ZNF423: variants seen among roughly 807,000 people sequenced by gnomAD.
The protein encoded by ZNF423 is Ebf-associated zinc finger protein.
In ZNF423, 12 loss-of-function variants were observed where a neutral mutation model predicts 95.8. The observed-to-expected ratio is 0.13, with a 90% confidence interval of 0.08 to 0.20. The LOEUF (loss-of-function observed/expected upper bound fraction) is 0.20. ZNF423 is among the 10% of genes least tolerant of loss of function. The probability of loss-of-function intolerance (pLI) is 1.00; values close to 1 mark genes in which losing one functional copy is unlikely to be tolerated. For missense variants in ZNF423, 1,316 were observed against 1,737.1 expected (o/e 0.76, Z 4.31); for synonymous variants, 749 against 711.9 (o/e 1.05, Z -0.83).
rs534490611 is a variant in ZNF423, at chr16:49,528,823, A to G, written c.3602-3329T>C. On this transcript the variant is annotated intron_variant, in intron 5 of 7. Transcript: ENST00000563137. ...GGCTGCCCTAGTTAGTGTGACAAAC[A>G]CTCCTTTGCGTGCTGGTGACCCAAT... is the stretch of plus-strand genomic sequence containing the variant. 2.0e-4 allele frequency among the ~76,000 whole-genome samples: 30 copies of G among 151,328 alleles called. No individual in the cohort carries two copies. In the South Asian group the frequency reaches 6.3e-3, roughly 32 times the overall value.
intron 5 of ZNF423, among the ~76,000 whole-genome samples, chr16:49,526,925 G>A (rs1293569618): frequency 2.0e-5 from 3 of 150,720 alleles, no homozygotes; most frequent in South Asian, 4.3e-4. Flanking sequence ...CAAGGACACG[G>A]GTTCCCCTTT....
At chr16:49,590,827 C>A (rs143618798) in intron 5 of ZNF423, among the ~76,000 whole-genome samples, 94 of 152,326 alleles carry the variant, frequency 6.2e-4, no homozygotes, top group Middle Eastern at 3.4e-3. Context: ...GGGCTCCAGC[C>A]GGCCCGGTGA....
chr16:49,742,931 G>A (rs9938225), intron 2 of ZNF423, among the ~76,000 whole-genome samples: 49,100 of 152,006 alleles, frequency 0.32, 8,017 homozygotes, highest in Non-Finnish European at 0.34. Context: ...TGAATGGAGA[G>A]CCCAGAGCCC....
chr16:49,777,024 A>T lies in ZNF423; in HGVS notation c.100+12463T>A, dbSNP rs1024381445. 7.3e-4 allele frequency among the ~76,000 whole-genome samples: 111 copies of T among 152,016 alleles called. 6 individuals carry two copies. The highest frequency in any genetic ancestry group is 6.5e-5 in the Admixed American group (1 of 15,276). ...CATTTGTAAGTGTGTGCACATGCGCACTATGGGTATGTTGGCAGTGTGAAC... is the reference window on the plus strand; with the variant it reads ...CATTTGTAAGTGTGTGCACATGCGCTCTATGGGTATGTTGGCAGTGTGAAC... On this transcript the variant is annotated intron_variant, in intron 2 of 7. Transcript: ENST00000563137.
intron 2 of ZNF423, among the ~76,000 whole-genome samples, chr16:49,761,491 G>A (rs989989449): frequency 1.3e-5 from 2 of 152,218 alleles, no homozygotes; most frequent in Non-Finnish European, 2.9e-5. Flanking sequence ...TAAGGAGAAC[G>A]ACGCTGGTCC....
intron 5 of ZNF423, among the ~76,000 whole-genome samples, chr16:49,530,428 C>T (rs1009846630): frequency 2.6e-5 from 4 of 152,110 alleles, no homozygotes; most frequent in African/African-American, 9.7e-5. Context: ...TTGTTTAATT[C>T]ATTCTCATTC....
chr16:49,849,682 A>C (rs926022906), intron 1 of ZNF423, among the ~76,000 whole-genome samples: 4 of 152,110 alleles, frequency 2.6e-5, no homozygotes, highest in Non-Finnish European at 5.9e-5. Flanking sequence ...AGGTAAACAG[A>C]GGGAGGCAGG....
chr16:49,793,459 C>T (rs982220651), intron 1 of ZNF423, among the ~76,000 whole-genome samples: 7 of 152,238 alleles, frequency 4.6e-5, no homozygotes, highest in East Asian at 3.9e-4. Flanking sequence ...GGCCGGCCCG[C>T]GGCGCCTCCT....
chr16:49,574,235 A>C (rs995367010), intron 5 of ZNF423, among the ~76,000 whole-genome samples: 6 of 152,186 alleles, frequency 3.9e-5, no homozygotes, highest in Admixed American at 6.5e-5. Flanking sequence ...AATTTTAAAA[A>C]TTAGCCATGC....
intron 2 of ZNF423, among the ~76,000 whole-genome samples, chr16:49,780,365 G>A (rs1597000642): frequency 6.6e-6 from 1 of 152,218 alleles, no homozygotes; most frequent in East Asian, 1.9e-4. Context: ...GGCAGCCCCA[G>A]GGAGCCCAGG....
chr16:49,734,299 G>A (rs2033235565), intron 2 of ZNF423, among the ~76,000 whole-genome samples: 1 of 152,154 alleles, frequency 6.6e-6, no homozygotes, highest in Non-Finnish European at 1.5e-5. Flanking sequence ...TCCCTGTCCT[G>A]AGTCTGGACA....
chr16:49,677,697 T>C (rs1404543226), intron 3 of ZNF423, among the ~76,000 whole-genome samples: 2 of 143,836 alleles, frequency 1.4e-5, no homozygotes, highest in Admixed American at 1.5e-4. Context: ...AAGGCTGCAG[T>C]GAGCCATGAT....
intron 2 of ZNF423, among the ~76,000 whole-genome samples, chr16:49,734,844 A>C (rs1187628322): frequency 6.6e-6 from 1 of 152,208 alleles, no homozygotes; most frequent in Non-Finnish European, 1.5e-5. Context: ...GTGAGCATTG[A>C]TTAAGCACTC....
intron 5 of ZNF423, among the ~76,000 whole-genome samples, chr16:49,556,199 A>T (rs894032125): frequency 1.3e-5 from 2 of 152,230 alleles, no homozygotes; most frequent in Admixed American, 1.3e-4. Context: ...ACATACAGAA[A>T]GAGGCAGTCC....
At chr16:49,659,391 C>T (rs751967272) in intron 3 of ZNF423, among the ~76,000 whole-genome samples, 47 of 152,330 alleles carry the variant, frequency 3.1e-4, no homozygotes, top group African/African-American at 1.0e-3. Context: ...TGTGCTCGGC[C>T]GTTTTACTAT....
chr16:49,832,963 G>A (rs528299353), intron 1 of ZNF423, among the ~76,000 whole-genome samples: 2 of 152,286 alleles, frequency 1.3e-5, no homozygotes, highest in South Asian at 2.1e-4. Context: ...CAAACACAGC[G>A]CAAGCCAATC....
intron 2 of ZNF423, among the ~76,000 whole-genome samples, chr16:49,762,730 G>A (rs1338822373): frequency 1.3e-5 from 2 of 152,138 alleles, no homozygotes; most frequent in East Asian, 1.9e-4. Flanking sequence ...TCTCGGGAAC[G>A]GCCTAGGTGG....
At chr16:49,630,746 C>T (rs985618848) in intron 4 of ZNF423, among the ~76,000 whole-genome samples, 4 of 152,072 alleles carry the variant, frequency 2.6e-5, no homozygotes, top group Admixed American at 6.5e-5. Context: ...AAAATACATC[C>T]CCAGGGGCTT....
chr16:49,515,957 G>A (rs80101406), intron 7 of ZNF423, among the ~76,000 whole-genome samples: 4 of 152,312 alleles, frequency 2.6e-5, no homozygotes, highest in East Asian at 3.9e-4. Flanking sequence ...GCCTTCATCT[G>A]CTGAGGCCTG....
Sources: gnomAD v4.1 joint callset for allele counts (sites outside exome capture counted in the v4.1 genomes callset) on GRCh38, gnomAD v4.1.1 for gene constraint, MANE v1.5 for transcripts, NCBI Gene and HGNC (gene_info 2026-07-23, HGNC 2026-07-21) for gene names.